Variants in ST6GALNAC5 observed in about 807,000 individuals in gnomAD.
ST6GALNAC5 encodes the protein ST6 N-acetylgalactosaminide alpha-2,6-sialyltransferase 5.
ST6GALNAC5 carries 27 observed loss-of-function variants against 33.6 expected under a neutral mutation model. That is an observed-to-expected ratio of 0.80 (90% CI 0.59 to 1.11). The LOEUF is 1.11. Among genes scored for constraint, ST6GALNAC5 ranks in the 50% least tolerant of loss-of-function variants. The pLI, the probability that ST6GALNAC5 is intolerant of heterozygous loss-of-function variation, is 0.00. For synonymous variants in ST6GALNAC5, 194 were observed against 171.2 expected, an observed-to-expected ratio of 1.13 and a Z score of -1.04; for missense variants, 428 against 454.0, an observed-to-expected ratio of 0.94 and a Z score of 0.52.
rs191589657 is a variant in ST6GALNAC5 at position 77,064,011 on chromosome 1, T to A, written c.*805T>A. 6.6e-6 allele frequency: 1 copy of A among 152,620 alleles called. No homozygotes were observed. Among genetic ancestry groups the A allele is most frequent in the Middle Eastern group, 3.4e-3 (1 of 294 alleles). The allele number at this position is 152,620 out of a possible 1,614,324, so 9.5% of individuals were successfully genotyped here. A position where few individuals can be genotyped will look rare whatever the true frequency, so the allele number is the denominator to read the frequency against. Reference sequence around the variant, plus strand: ...GCAGAAATGTTCCAAAAGGACAAAATTGAAAACCAAAAACTATGTTATTAA... The same window carrying A: ...GCAGAAATGTTCCAAAAGGACAAAAATGAAAACCAAAAACTATGTTATTAA... On this transcript the variant is annotated 3_prime_UTR_variant, in exon 5 of 5. Coordinates refer to ENST00000477717, the MANE Select transcript of ST6GALNAC5 (RefSeq NM_030965.3).
chr1:77,061,794 A>G (rs573743344), intron 4 of ST6GALNAC5, among the ~76,000 whole-genome samples: 1 of 152,122 alleles, frequency 6.6e-6, no homozygotes, highest in Admixed American at 6.6e-5. Context: ...CCACCCCCAC[A>G]TGTTAATCCT....
intron 4 of ST6GALNAC5, among the ~76,000 whole-genome samples, chr1:77,058,773 A>C (rs1486500647): frequency 6.6e-6 from 1 of 152,240 alleles, no homozygotes; most frequent in African/African-American, 2.4e-5. Context: ...CTGAGCTGAA[A>C]TAGTCAAGTC....
intron 2 of ST6GALNAC5, among the ~76,000 whole-genome samples, chr1:76,979,325 CA>C (rs1219013360): frequency 6.6e-6 from 1 of 151,292 alleles, no homozygotes; most frequent in African/African-American, 2.4e-5. Flanking sequence ...CAATCTGGAG[CA>C]AAAAAATAAA....
At chr1:77,017,150 C>CAAA (rs11304509) in intron 2 of ST6GALNAC5, among the ~76,000 whole-genome samples, 1 of 104,732 alleles carries the variant, frequency 9.5e-6, no homozygotes. Context: ...CAGGAAAAGG[C>CAAA]AAAAAAAAAA....
chr1:76,872,068 A>AAC (rs66721550), intron 2 of ST6GALNAC5, among the ~76,000 whole-genome samples: 13,453 of 130,008 alleles, frequency 0.1, 735 homozygotes, highest in Middle Eastern at 0.15. Flanking sequence ...TAACCAAGCT[A>AAC]ACACACACAC....
chr1:77,034,865 A>G (rs1651591911), intron 2 of ST6GALNAC5, among the ~76,000 whole-genome samples: 1 of 152,182 alleles, frequency 6.6e-6, no homozygotes, highest in Non-Finnish European at 1.5e-5. Flanking sequence ...GTGACTTTGA[A>G]CAGTCTATGG....
At chr1:76,995,512 A>T (rs919926488) in intron 2 of ST6GALNAC5, 1 of 152,254 alleles carries the variant, frequency 6.6e-6, no homozygotes, top group Middle Eastern at 3.4e-3. Context: ...ATTGACGGAC[A>T]AGTTACAGGT....
chr1:76,981,775 G>A (rs938469394), intron 2 of ST6GALNAC5, among the ~76,000 whole-genome samples: 3 of 152,134 alleles, frequency 2.0e-5, no homozygotes, highest in Non-Finnish European at 4.4e-5. Flanking sequence ...GCCCTTCTGG[G>A]ACAAAGCTTC....
chr1:77,036,976 G>A (rs896866966), intron 2 of ST6GALNAC5, among the ~76,000 whole-genome samples: 2 of 152,140 alleles, frequency 1.3e-5, no homozygotes, highest in Admixed American at 6.5e-5. Context: ...CTGGGGAGGC[G>A]GTCTGAGGTA....
intron 2 of ST6GALNAC5, among the ~76,000 whole-genome samples, chr1:77,006,708 T>C (rs551782641): frequency 6.6e-6 from 1 of 152,308 alleles, no homozygotes; most frequent in East Asian, 1.9e-4. Context: ...CCTATTGCTA[T>C]GCAACCAACC....
At chr1:76,982,784 G>T (rs941351861) in intron 2 of ST6GALNAC5, among the ~76,000 whole-genome samples, 3 of 152,098 alleles carry the variant, frequency 2.0e-5, no homozygotes, top group Non-Finnish European at 4.4e-5. Context: ...TACCCACAAA[G>T]GGAAGCCCAT....
chr1:77,046,345 G>T (rs1014183520), intron 3 of ST6GALNAC5, among the ~76,000 whole-genome samples: 5 of 152,234 alleles, frequency 3.3e-5, no homozygotes, highest in Admixed American at 2.0e-4. Flanking sequence ...TTAGAGAATA[G>T]TCTCAAAGAA....
intron 2 of ST6GALNAC5, among the ~76,000 whole-genome samples, chr1:76,928,836 C>T (rs548221798): frequency 5.9e-5 from 9 of 152,186 alleles, no homozygotes; most frequent in African/African-American, 1.9e-4. Flanking sequence ...AAGTGTCTGT[C>T]TCCCTTATGT....
chr1:77,010,266 G>A (rs1047858405), intron 2 of ST6GALNAC5, among the ~76,000 whole-genome samples: 5 of 152,110 alleles, frequency 3.3e-5, no homozygotes, highest in African/African-American at 7.2e-5. Flanking sequence ...AGGCCGAGGC[G>A]GGCAGATTAC....
At chr1:76,980,978 G>A (rs1649225466) in intron 2 of ST6GALNAC5, among the ~76,000 whole-genome samples, 2 of 152,322 alleles carry the variant, frequency 1.3e-5, no homozygotes, top group East Asian at 3.9e-4. Context: ...TATGTGATAA[G>A]GGACTTGTAT....
intron 2 of ST6GALNAC5, among the ~76,000 whole-genome samples, chr1:76,995,813 G>A (rs1268023368): frequency 1.3e-5 from 2 of 152,104 alleles, no homozygotes; most frequent in African/African-American, 4.8e-5. Context: ...GTGTATATCT[G>A]TGTCTTCTGT....
chr1:76,868,919 G>C lies in ST6GALNAC5; in HGVS notation c.261+177G>C, dbSNP rs180910513. The C allele has an allele frequency of 5.3e-4, 560 of 1,062,680 alleles. 3 individuals carry two copies. The Middle Eastern group carries it at 0.014, about 26-fold the overall frequency. 65.8% of individuals were successfully genotyped at this position (1,062,680 alleles called of 1,614,324 possible). On this transcript the variant is annotated intron_variant, in intron 2 of 4. Coordinates refer to ENST00000477717, the MANE Select transcript of ST6GALNAC5 (RefSeq NM_030965.3). The surrounding 1 kb of genome is among the most constrained non-coding windows in gnomAD (Gnocchi z 4.3). ...CCAACTTGGTATGAATTCTTATTTG[G>C]AGAAAGACACAAAGTTTTGTAGAAA...
Position 77,063,847 on chromosome 1 carries a change from A to C in ST6GALNAC5, c.*641A>C, listed in dbSNP as rs1007661972. ...TGATGGTTGGAAATGGCCTAGAATTAGGTTACTCTGTTCACAATGCTCATT... is the reference window on the plus strand; with the variant it reads ...TGATGGTTGGAAATGGCCTAGAATTCGGTTACTCTGTTCACAATGCTCATT... On this transcript the variant is annotated 3_prime_UTR_variant, in exon 5 of 5. Coordinates refer to ENST00000477717, the MANE Select transcript of ST6GALNAC5 (RefSeq NM_030965.3). 3.3e-5 allele frequency: 5 copies of C among 153,142 alleles called. No homozygotes were observed. In the East Asian group the frequency reaches 9.6e-4, roughly 30 times the overall value. 9.5% of individuals were successfully genotyped at this position (153,142 alleles called of 1,614,324 possible).
intron 2 of ST6GALNAC5, among the ~76,000 whole-genome samples, chr1:76,965,671 A>G (rs1407960074): frequency 6.6e-6 from 1 of 152,178 alleles, no homozygotes; most frequent in Admixed American, 6.5e-5. Flanking sequence ...TTTAGTCATG[A>G]AGTCCTTGCC....
Sources: allele counts gnomAD v4.1 joint callset (sites outside exome capture counted in the v4.1 genomes callset), GRCh38; gene constraint gnomAD v4.1.1; non-coding constraint Gnocchi (gnomAD v3.1); transcripts MANE v1.5; gene names NCBI Gene and HGNC (gene_info 2026-07-23, HGNC 2026-07-21).